The following GRB10 variants were observed in gnomAD, a reference collection of about 807,000 sequenced individuals.
GRB10 encodes growth factor receptor bound protein 10.
A neutral mutation model predicts 80.9 loss-of-function variants in GRB10; 20 were observed. The ratio of observed to expected loss-of-function variants is 0.25; its 90% CI spans 0.17 to 0.36. GRB10 has a LOEUF of 0.36. GRB10 is among the 10% of genes least tolerant of loss of function. The pLI is 1.00. For synonymous variants in GRB10, 291 were observed against 291.5 expected (o/e 1.00, Z 0.02); for missense variants, 548 against 747.7 (o/e 0.73, Z 3.12).
At chr7:50,789,594 G>A (rs150752088) in intron 1 of GRB10, among the ~76,000 whole-genome samples, 27 of 152,248 alleles carry the variant, frequency 1.8e-4, no homozygotes, top group African/African-American at 5.8e-4. Flanking sequence ...CCCAGCGCCC[G>A]TTCTCAGGCT....
intron 5 of GRB10, among the ~76,000 whole-genome samples, chr7:50,679,281 C>T (rs1451970272): frequency 6.6e-6 from 1 of 152,178 alleles, no homozygotes; most frequent in Admixed American, 6.5e-5. Flanking sequence ...CAGCGAAACA[C>T]ATTTGCATCG....
At chr7:50,775,475 C>A (rs1326965032) in intron 2 of GRB10, among the ~76,000 whole-genome samples, 1 of 152,208 alleles carries the variant, frequency 6.6e-6, no homozygotes, top group East Asian at 1.9e-4. Flanking sequence ...TGGCACTACA[C>A]ACGGGTAACT....
chr7:50,674,724 ACATCTTGGTGAT>A, intron 5 of GRB10, 66 bp from the exon 6 acceptor site: 4 of 1,350,128 alleles, frequency 3.0e-6, no homozygotes. Flanking sequence ...ACCCAAATGT[ACATCTTGGTGAT>A]CAGGTTCCAA....
intron 2 of GRB10, among the ~76,000 whole-genome samples, chr7:50,764,281 C>G (rs1189616122): frequency 1.3e-5 from 2 of 152,236 alleles, no homozygotes; most frequent in African/African-American, 4.8e-5. Flanking sequence ...CAGCCCTTGG[C>G]TGCCTCTTCT....
chr7:50,737,395 T>A (rs1172727267), intron 3 of GRB10, among the ~76,000 whole-genome samples: 1 of 152,230 alleles, frequency 6.6e-6, no homozygotes, highest in East Asian at 1.9e-4. Flanking sequence ...ACGTAAGATG[T>A]GCTTCCTTCC....
chr7:50,791,638 G>GT lies in GRB10; in HGVS notation c.-294+1585dup, dbSNP rs2078919680. Reference sequence around the variant, plus strand: ...TTGTAAACTGTGAAATGCTACAGAAGTATCAGTCGCTACACTTCTCAGTTA... The same window carrying GT: ...TTGTAAACTGTGAAATGCTACAGAAGTTATCAGTCGCTACACTTCTCAGTTA... On this transcript the variant is annotated intron_variant, in intron 1 of 16. Transcript: ENST00000335866. Among the ~76,000 whole-genome samples the GT allele has an allele frequency of 3.9e-5, 6 of 152,230 alleles. No individual in the cohort carries two copies. In the South Asian group the frequency reaches 1.2e-3, roughly 32 times the overall value.
At chr7:50,699,995 C>T (rs1025105792) in intron 5 of GRB10, among the ~76,000 whole-genome samples, 1 of 151,928 alleles carries the variant, frequency 6.6e-6, no homozygotes, top group Non-Finnish European at 1.5e-5. Flanking sequence ...AAAAATTAGC[C>T]GGGCGTGGTG....
At chr7:50,686,521 G>A (rs896771601) in intron 5 of GRB10, among the ~76,000 whole-genome samples, 1 of 152,200 alleles carries the variant, frequency 6.6e-6, no homozygotes, top group African/African-American at 2.4e-5. Context: ...GAGAGGGGAT[G>A]CTCCAGGTTT....
At chr7:50,763,071 TCG>T (rs2075936982) in intron 2 of GRB10, among the ~76,000 whole-genome samples, 2 of 151,046 alleles carry the variant, frequency 1.3e-5, no homozygotes, top group Non-Finnish European at 2.9e-5. Context: ...CGAGCCGAGA[TCG>T]TGCCACTGCA....
At chr7:50,596,160 G>A (rs1207463355) in intron 17 of GRB10, among the ~76,000 whole-genome samples, 1 of 152,148 alleles carries the variant, frequency 6.6e-6, no homozygotes, top group African/African-American at 2.4e-5. Flanking sequence ...GCAGATGAAA[G>A]GTGGATGAGA....
At chr7:50,759,417 T>G (rs1020703713) in intron 2 of GRB10, among the ~76,000 whole-genome samples, 1 of 152,070 alleles carries the variant, frequency 6.6e-6, no homozygotes, top group African/African-American at 2.4e-5. Context: ...GGCGGATCGG[T>G]TCCAGGACAC....
At chr7:50,612,284 G>T (rs984709835) in intron 13 of GRB10, among the ~76,000 whole-genome samples, 4 of 151,928 alleles carry the variant, frequency 2.6e-5, no homozygotes, top group Admixed American at 6.6e-5. Flanking sequence ...CTGATTTTTC[G>T]AATCCTATTC....
rs1263293833 is a variant in GRB10 at position 50,605,403 on chromosome 7, T to G, written c.1276A>C (p.Ser426Arg). The change falls in exon 15 of 19, where the codon AGT becomes CGT. Residue 426 changes from serine (S) to arginine (R), a missense_variant. Ser to Arg is a moderately radical substitution (Grantham distance 110). This residue lies in a region of GRB10 where 270 missense variants were observed against 433.6 expected (regional missense o/e 0.62). Transcript: ENST00000401949. The part of the protein sequence containing the change: ...LLSPFSTPVR[S>R]VSENSLVAMD... ...GCCACGAGGGAGTTCTCGGAGACACTGCGCTGAAAAGGAAAGGCCGCAGTT... is the reference window on the plus strand; with the variant it reads ...GCCACGAGGGAGTTCTCGGAGACACGGCGCTGAAAAGGAAAGGCCGCAGTT... The G allele has an allele frequency of 6.2e-7, 1 of 1,613,188 alleles. No homozygotes were observed. The highest frequency in any genetic ancestry group is 1.1e-5 in the South Asian group (1 of 91,064).
At chr7:50,636,198 C>T (rs1008212147) in intron 7 of GRB10, among the ~76,000 whole-genome samples, 6 of 151,908 alleles carry the variant, frequency 3.9e-5, no homozygotes, top group Non-Finnish European at 8.8e-5. Context: ...AGGCTGGTCT[C>T]GAACTCATGA....
At chr7:50,606,171 G>A (rs1182142572) in intron 14 of GRB10, among the ~76,000 whole-genome samples, 166 bp downstream of exon 14, 3 of 152,212 alleles carry the variant, frequency 2.0e-5, no homozygotes, top group Admixed American at 6.5e-5. Context: ...TTGCACTGTT[G>A]AGACTACAAA....
At chr7:50,757,635 T>C (rs796367493) in intron 2 of GRB10, among the ~76,000 whole-genome samples, 9 of 152,372 alleles carry the variant, frequency 5.9e-5, no homozygotes, top group African/African-American at 2.2e-4. Context: ...TTATGTCGAC[T>C]AGAATATTTC....
At chr7:50,722,641 G>C (rs947412883) in intron 4 of GRB10, among the ~76,000 whole-genome samples, 4 of 152,056 alleles carry the variant, frequency 2.6e-5, no homozygotes, top group African/African-American at 9.7e-5. Context: ...AGGGCCCAGA[G>C]TGACCGGATG....
intron 3 of GRB10, among the ~76,000 whole-genome samples, chr7:50,749,907 T>C (rs1464556837): frequency 3.3e-5 from 5 of 152,246 alleles, no homozygotes; most frequent in African/African-American, 1.2e-4. Flanking sequence ...ATAAATCTTA[T>C]TGCATGTTAT....
chr7:50,729,292 TCA>T (rs2153690573), intron 4 of GRB10: 1 of 152,356 alleles, frequency 6.6e-6, no homozygotes, highest in South Asian at 2.1e-4. Flanking sequence ...GTAAATTTAA[TCA>T]CCTACATAAA....
Sources: allele counts gnomAD v4.1 joint callset (sites outside exome capture counted in the v4.1 genomes callset), GRCh38; gene constraint gnomAD v4.1.1; regional missense constraint gnomAD v4.1.1; transcripts MANE v1.5; gene names NCBI Gene and HGNC (gene_info 2026-07-23, HGNC 2026-07-21).